Variants in DAB1 observed in about 807,000 individuals in gnomAD.
DAB1 encodes disabled homolog 1.
DAB1 carries 15 observed loss-of-function variants against 64.6 expected under a neutral mutation model. The observed-to-expected ratio is 0.23, with a 90% CI of 0.16 to 0.36. The LOEUF is 0.36. Among genes scored for constraint, DAB1 ranks in the 10% least tolerant of loss-of-function variants. DAB1 has a pLI of 1.00. For synonymous variants in DAB1, 235 were observed against 251.9 expected, an observed-to-expected ratio of 0.93 and a Z score of 0.64; for missense variants, 596 against 706.7, an observed-to-expected ratio of 0.84 and a Z score of 1.78.
chr1:57,900,449 T>C (rs1035780264), intron 5 of DAB1, among the ~76,000 whole-genome samples: 1 of 152,176 alleles, frequency 6.6e-6, no homozygotes, highest in Non-Finnish European at 1.5e-5. Flanking sequence ...GAATACCCTG[T>C]TCTAGGATGC....
At chr1:57,666,517 T>C (rs1646449237) in intron 6 of DAB1, among the ~76,000 whole-genome samples, 1 of 152,170 alleles carries the variant, frequency 6.6e-6, no homozygotes, top group Non-Finnish European at 1.5e-5. Context: ...TTAGAAAATG[T>C]TTGTGCAACC....
At chr1:58,293,618 C>T (rs777945250) in intron 4 of DAB1, among the ~76,000 whole-genome samples, 1 of 152,090 alleles carries the variant, frequency 6.6e-6, no homozygotes, top group Non-Finnish European at 1.5e-5. Context: ...TTTAGATGAC[C>T]CAGCTACCAG....
intron 2 of DAB1, among the ~76,000 whole-genome samples, chr1:57,202,191 G>A (rs77385191): frequency 0.015 from 2,268 of 152,266 alleles, 53 homozygotes; most frequent in African/African-American, 0.052. Context: ...GAATTTGAAA[G>A]GCAGATTTTT....
chr1:58,219,025 C>CTCTCTCTCTCTCTCTGTG lies in DAB1; in HGVS notation n.310-68438_310-68437insCACAGAGAGAGAGAGAGA, dbSNP rs376130413. Among the ~76,000 whole-genome samples, 355 of 129,516 alleles carry CTCTCTCTCTCTCTCTGTG rather than the reference C, an allele frequency of 2.7e-3. 3 individuals carry two copies. The highest frequency in any genetic ancestry group is 7.4e-3 in the African/African-American group (236 of 32,002). 85.0% of individuals were successfully genotyped at this position (129,516 alleles called of 152,430 possible). ...TCTCTCTCTCTCTCTCTCTCTCTCT[C>CTCTCTCTCTCTCTCTGTG]TGTGTGTGTGTGTGTGTGTTTCAAT... On this transcript the variant is annotated intron_variant and non_coding_transcript_variant, in intron 4 of 20. Transcript: ENST00000485760.
intron 3 of DAB1, among the ~76,000 whole-genome samples, chr1:58,491,678 A>G (rs894933756): frequency 2.6e-5 from 4 of 152,218 alleles, no homozygotes; most frequent in African/African-American, 4.8e-5. Context: ...AGGCCACTAC[A>G]TAATGGTAAA....
intron 5 of DAB1, among the ~76,000 whole-genome samples, chr1:57,991,035 C>T (rs899957894): frequency 1.1e-4 from 16 of 152,078 alleles, no homozygotes; most frequent in African/African-American, 3.4e-4. Flanking sequence ...CTGTATGATG[C>T]CATCGTCAAT....
chr1:57,584,230 T>A (rs568775343), intron 7 of DAB1, among the ~76,000 whole-genome samples: 1 of 151,992 alleles, frequency 6.6e-6, no homozygotes, highest in African/African-American at 2.4e-5. Context: ...ATCATTTCCC[T>A]TTTTTTTGTC....
intron 7 of DAB1, among the ~76,000 whole-genome samples, chr1:57,441,268 C>CT (rs1334721634): frequency 1.6e-5 from 2 of 128,212 alleles, no homozygotes; most frequent in African/African-American, 3.5e-5. Context: ...TCTTTTCTTT[C>CT]TTTCTCTTTC....
chr1:57,583,580 C>A (rs370430200), intron 7 of DAB1, among the ~76,000 whole-genome samples: 1 of 152,134 alleles, frequency 6.6e-6, no homozygotes, highest in Non-Finnish European at 1.5e-5. Flanking sequence ...CCACCACGCC[C>A]GGCCCAGTTT....
chr1:57,263,120 AT>A (rs57596595), intron 2 of DAB1, among the ~76,000 whole-genome samples: 69 of 148,842 alleles, frequency 4.6e-4, no homozygotes, highest in South Asian at 2.6e-3. Context: ...AGAAGATAAA[AT>A]TTTTTTTTTT....
chr1:57,850,158 G>T (rs1265607917), intron 1 of DAB1, among the ~76,000 whole-genome samples: 1 of 152,192 alleles, frequency 6.6e-6, no homozygotes, highest in Non-Finnish European at 1.5e-5. Context: ...GAGGGGCTGA[G>T]GGTCTTACAG....
intron 6 of DAB1, among the ~76,000 whole-genome samples, chr1:57,695,250 A>G (rs1161341950): frequency 1.7e-5 from 1 of 57,586 alleles, no homozygotes; most frequent in African/African-American, 1.3e-4. Flanking sequence ...AGAAAGAAAG[A>G]AAGAAAGAAG....
intron 3 of DAB1, among the ~76,000 whole-genome samples, chr1:58,499,957 A>G (rs1364011548): frequency 6.6e-6 from 1 of 152,142 alleles, no homozygotes; most frequent in Non-Finnish European, 1.5e-5. Context: ...AAGTAAGTTT[A>G]AAAAAAGAAG....
chr1:58,237,458 T>A (rs777612033), intron 4 of DAB1, among the ~76,000 whole-genome samples: 2 of 152,164 alleles, frequency 1.3e-5, no homozygotes, highest in African/African-American at 4.8e-5. Flanking sequence ...GGCAATCCCT[T>A]GGAAAGTGTT....
At chr1:57,353,904 T>C (rs1678836964) in intron 1 of DAB1, among the ~76,000 whole-genome samples, 1 of 152,178 alleles carries the variant, frequency 6.6e-6, no homozygotes, top group Non-Finnish European at 1.5e-5. Flanking sequence ...ATGTTATCTA[T>C]AAACACCTCA....
chr1:57,989,991 G>C (rs1646307084), intron 5 of DAB1, among the ~76,000 whole-genome samples: 1 of 152,104 alleles, frequency 6.6e-6, no homozygotes, highest in Non-Finnish European at 1.5e-5. Context: ...TCCATGATGT[G>C]TCAGGACCTG....
At chr1:57,549,008 A>G (rs1182517121) in intron 7 of DAB1, among the ~76,000 whole-genome samples, 2 of 152,188 alleles carry the variant, frequency 1.3e-5, no homozygotes, top group Non-Finnish European at 2.9e-5. Context: ...ATGGCTCCAG[A>G]GCCTATACTC....
intron 6 of DAB1, among the ~76,000 whole-genome samples, chr1:57,803,007 T>C (rs1396558266): frequency 6.6e-6 from 1 of 152,102 alleles, no homozygotes; most frequent in East Asian, 1.9e-4. Flanking sequence ...AGGCAAGGTG[T>C]GTCTCTGAAG....
chr1:57,989,357 A>C (rs529976257), intron 5 of DAB1, among the ~76,000 whole-genome samples: 32 of 152,262 alleles, frequency 2.1e-4, no homozygotes, highest in African/African-American at 7.5e-4. Flanking sequence ...TGAAATACTC[A>C]CATTACACAA....
Sources: gnomAD v4.1 joint callset for allele counts (sites outside exome capture counted in the v4.1 genomes callset) on GRCh38, gnomAD v4.1.1 for gene constraint, MANE v1.5 for transcripts, NCBI Gene and HGNC (gene_info 2026-07-23, HGNC 2026-07-21) for gene names.